RNF213: variants seen among roughly 807,000 people sequenced by gnomAD.
RNF213 encodes the protein ring finger protein 213.
RNF213 carries 341 observed loss-of-function variants against 514.4 expected under a neutral mutation model. The observed-to-expected ratio is 0.66, with a 90% CI of 0.61 to 0.73. The LOEUF (loss-of-function observed/expected upper bound fraction) is 0.73, where lower values mean the gene tolerates loss of function less well. RNF213 is among the 30% of genes least tolerant of loss of function. The pLI, the probability that RNF213 is intolerant of heterozygous loss-of-function variation, is 0.00. For missense variants in RNF213, 5,767 were observed against 6,615.6 expected (o/e 0.87, Z 4.45); for synonymous variants, 2,655 against 2,658.2 (o/e 1.00, Z 0.04).
At chr17:80,307,861 T>A (rs1394753554) in intron 13 of RNF213, among the ~76,000 whole-genome samples, 2 of 149,098 alleles carry the variant, frequency 1.3e-5, no homozygotes, top group African/African-American at 5.0e-5. Flanking sequence ...TCTGTTTTTT[T>A]TTTTTTTTTT....
Position 80,345,802 on chromosome 17 carries a change from C to T in RNF213, c.7467C>T (p.Ala2489=), listed in dbSNP as rs755545642. Residue 2489 remains alanine (A), a synonymous_variant, in exon 29 of 68, where the codon GCC becomes GCT. Coordinates refer to ENST00000582970, the MANE Select transcript of RNF213 (RefSeq NM_001256071.3). The surrounding 1 kb of genome is among the most constrained non-coding windows in gnomAD (Gnocchi z 6.0). The stretch of plus-strand genomic sequence containing the variant: ...ACACCATCTTGTTTTTTGATGAAGC[C>T]AACACAACGGAAGCTATAAGCTGTA... ...QLDTILFFDE[A]NTTEAISCIK... is the part of the protein sequence containing the mutation. The T allele has an allele frequency of 1.2e-6, 2 of 1,614,106 alleles. No individual in the cohort carries two copies. The highest frequency in any genetic ancestry group is 1.1e-5 in the South Asian group (1 of 91,084).
At chr17:80,390,289 AC>A in intron 67 of RNF213, 93 bp downstream of exon 67, 1 of 1,401,076 alleles carries the variant, frequency 7.1e-7, no homozygotes, top group Non-Finnish European at 1.0e-6. Flanking sequence ...TTCTTTTCTT[AC>A]CACAGAATCC....
chr17:80,364,342 C>T (rs2079172130), intron 41 of RNF213, 91 bp from the exon 42 acceptor site: 2 of 1,585,224 alleles, frequency 1.3e-6, no homozygotes, highest in African/African-American at 2.7e-5. Flanking sequence ...CCCCGGGTCC[C>T]GCATCTCTTC....
intron 2 of RNF213, among the ~76,000 whole-genome samples, chr17:80,272,188 G>T (rs1567994108): frequency 6.6e-6 from 1 of 151,994 alleles, no homozygotes; most frequent in Admixed American, 6.6e-5. Flanking sequence ...GGAGGCCGAG[G>T]CAGGAGAATT....
chr17:80,350,481 A>G, intron 31 of RNF213, 85 bp downstream of exon 31: 1 of 796,880 alleles, frequency 1.3e-6, no homozygotes, highest in Non-Finnish European at 2.2e-6. Flanking sequence ...TGAAGACAGT[A>G]TAGTATCATA....
intron 16 of RNF213, 151 bp from the exon 17 acceptor site, chr17:80,319,039 G>A: frequency 1.3e-6 from 2 of 1,551,918 alleles, no homozygotes; most frequent in South Asian, 1.1e-5. Context: ...GGGGCAGGGA[G>A]GACATGCTTT....
At position 80,363,164 on chromosome 17, in the gene RNF213, G is replaced by C; in HGVS notation, c.11418G>C (p.Glu3806Asp). The C allele has an allele frequency of 6.2e-7, 1 of 1,614,242 alleles. No homozygotes were observed. Among genetic ancestry groups the C allele is most frequent in the Non-Finnish European group, 8.5e-7 (1 of 1,180,042 alleles). Residue 3806 changes from glutamate to aspartate, a missense_variant, in exon 40 of 68, where the codon GAG (glutamate) becomes GAC (aspartate). By Grantham distance (45) the Glu-to-Asp change is conservative. This residue lies in a region of RNF213 where 355 missense variants were observed against 358.0 expected (regional missense o/e 0.99). Transcript: ENST00000582970. ...TGAAAGCGGCGTCAGAAGCGCCCGA[G>C]GAAGAGGTTTCCTTACCGTGGGTGC... Reference protein sequence around the residue: ...RKLKAASEAPEEEVSLPWVHL... With the variant: ...RKLKAASEAPDEEVSLPWVHL...
At chr17:80,334,437 G>A in intron 22 of RNF213, 167 bp downstream of exon 22, 1 of 673,874 alleles carries the variant, frequency 1.5e-6, no homozygotes, top group Non-Finnish European at 2.4e-6. Flanking sequence ...TGATCATAGA[G>A]TTCACACCGG....
rs752489326 is a variant in RNF213 at position 80,263,792 on chromosome 17, G to GTGCT, written c.97+15_97+18dup. ...CCCCCATAGCAGGTGAGGCCCAGGG[G>GTGCT]TGCTGGTGGAGGCTGGGGCAGTGGG... On this transcript the variant is annotated intron_variant, in intron 2 of 67. Coordinates refer to ENST00000582970, the MANE Select transcript of RNF213 (RefSeq NM_001256071.3). The surrounding 1 kb of genome is among the most constrained non-coding windows in gnomAD (Gnocchi z 4.9). 8 of 1,612,238 alleles carry GTGCT rather than the reference G, an allele frequency of 5.0e-6. No homozygotes were observed. In the African/African-American group the frequency reaches 1.1e-4, roughly 21 times the overall value.
Position 80,295,638 on chromosome 17 carries a change from G to T in RNF213, c.1837G>T (p.Asp613Tyr), listed in dbSNP as rs1383472329. ...AAAAAGCACGGACTTTTTGCCTGTG[G>T]ACTGCCCAGTGAGGAGTAAACTGAA... ...DGKSTDFLPV[D>Y]CPVRSKLKTG... Residue 613 changes from aspartate to tyrosine, a missense_variant, in exon 10 of 68, where the codon GAC (aspartate) becomes TAC (tyrosine). Around this residue, in one of 13 missense-constraint regions of RNF213, gnomAD observed 592 missense variants for 673.9 expected, o/e 0.88. Coordinates refer to ENST00000582970, the MANE Select transcript of RNF213 (RefSeq NM_001256071.3). The T allele has an allele frequency of 5.5e-5, 88 of 1,614,010 alleles. No individual in the cohort carries two copies. The highest frequency in any genetic ancestry group is 7.3e-5 in the Non-Finnish European group (86 of 1,180,000).
At chr17:80,274,462 C>T (rs1028071593) in intron 3 of RNF213, among the ~76,000 whole-genome samples, 18 of 147,154 alleles carry the variant, frequency 1.2e-4, no homozygotes, top group Non-Finnish European at 1.6e-4. Flanking sequence ...TTGCTGGGCA[C>T]GGAGAAGGGG....
chr17:80,339,344 G>C lies in RNF213; in HGVS notation c.4977G>C (p.Leu1659=). Residue 1659 remains leucine, a synonymous_variant, in exon 26 of 68, where the codon CTG becomes CTC. Coordinates refer to ENST00000582970, the MANE Select transcript of RNF213 (RefSeq NM_001256071.3). ...VSLQMDFGLD[L]VTELKEGGDV... ...TCCAAATGGACTTTGGCTTGGACCT[G>C]GTGACGGAGCTTAAAGAAGGTGGAG... 6.5e-7 allele frequency: 1 copy of C among 1,537,242 alleles called. No individual in the cohort carries two copies. The highest frequency in any genetic ancestry group is 1.4e-5 in the African/African-American group (1 of 73,158).
At chr17:80,380,771 G>GT in intron 55 of RNF213, 60 bp from the exon 56 acceptor site, 5 of 1,600,798 alleles carry the variant, frequency 3.1e-6, no homozygotes, top group African/African-American at 1.3e-5. Context: ...TGCTGAGAAA[G>GT]TGCAGCGTGC....
At chr17:80,272,070 G>A (rs993144789) in intron 2 of RNF213, among the ~76,000 whole-genome samples, 1 of 151,668 alleles carries the variant, frequency 6.6e-6, no homozygotes, top group Non-Finnish European at 1.5e-5. Context: ...GGATCATGAG[G>A]TCAGGAGTTC....
At chr17:80,261,648 C>A (rs1477035879) in intron 1 of RNF213, among the ~76,000 whole-genome samples, 2 of 152,356 alleles carry the variant, frequency 1.3e-5, no homozygotes, top group East Asian at 3.9e-4. Context: ...AGACAGGAAG[C>A]GGATTGAATG....
chr17:80,313,747 TGGTGGTGGA>T (rs1292842233), intron 15 of RNF213, among the ~76,000 whole-genome samples: 6 of 145,728 alleles, frequency 4.1e-5, no homozygotes, highest in South Asian at 2.2e-4. Context: ...ATGGTGATGC[TGGTGGTGGA>T]GGTGGTGGAG....
chr17:80,377,128 G>A lies in RNF213; in HGVS notation c.13510+165G>A, dbSNP rs1178810190. 2.4e-5 allele frequency: 16 copies of A among 657,662 alleles called. No individual in the cohort carries two copies. The highest frequency in any genetic ancestry group is 3.9e-5 in the Non-Finnish European group (14 of 362,970). The allele number at this position is 657,662 out of a possible 1,614,324, so 40.7% of individuals were successfully genotyped here. A position where few individuals can be genotyped will look rare whatever the true frequency, so the allele number is the denominator to read the frequency against. ...TCTGCAGAAGACGAATGGCTTGAAG[G>A]AGCTGGCACTCCGCCGGCTAGATGA... On this transcript the variant is annotated intron_variant, in intron 53 of 67. Coordinates refer to ENST00000582970, the MANE Select transcript of RNF213 (RefSeq NM_001256071.3). This position sits in a 1 kb window ranked among gnomAD's most constrained non-coding sequence, Gnocchi z 4.1.
chr17:80,313,821 G>GTGGTGGTGA (rs1568052170), intron 15 of RNF213, among the ~76,000 whole-genome samples: 4 of 56,050 alleles, frequency 7.1e-5, no homozygotes, highest in African/African-American at 3.0e-4. Context: ...GGAGGTGATG[G>GTGGTGGTGA]TGGTGGTGGA....
At position 80,287,795 on chromosome 17, in the gene RNF213, GTGTCTCTCTTTC is replaced by G; in HGVS notation, c.262-16_262-5del. 1 of 1,611,990 alleles carries G rather than the reference GTGTCTCTCTTTC, an allele frequency of 6.2e-7. No homozygotes were observed. The highest frequency in any genetic ancestry group is 8.5e-7 in the Non-Finnish European group (1 of 1,178,290). On this transcript the variant is annotated splice_polypyrimidine_tract_variant and splice_region_variant and intron_variant, in intron 3 of 67. Transcript: ENST00000582970. ...AGAGTAAATCTAAGAAATAAAGTGA[GTGTCTCTCTTTC>G]TGTTTAGAGCAAAAAGAAGAAAAGG...
Sources: gnomAD v4.1 joint callset for allele counts (sites outside exome capture counted in the v4.1 genomes callset) on GRCh38, gnomAD v4.1.1 for gene constraint, gnomAD v4.1.1 regional missense constraint, Gnocchi (gnomAD v3.1) non-coding constraint, MANE v1.5 for transcripts, NCBI Gene and HGNC (gene_info 2026-07-23, HGNC 2026-07-21) for gene names.